ZNF730: variants seen among roughly 807,000 people sequenced by gnomAD.
ZNF730 encodes the protein putative zinc finger protein 730.
In ZNF730, 12 loss-of-function variants were observed where a neutral mutation model predicts 12.6. That is an observed-to-expected ratio of 0.95 (90% CI 0.61 to 1.54). The LOEUF is 1.54. Among genes scored for constraint, ZNF730 ranks in the 40% most tolerant of loss-of-function variants. ZNF730 has a pLI of 0.00. For missense variants in ZNF730, 643 were observed against 583.5 expected, an observed-to-expected ratio of 1.10 and a Z score of -1.05; for synonymous variants, 194 against 195.8, an observed-to-expected ratio of 0.99 and a Z score of 0.08.
At chr19:23,124,388 A>G (rs767362244) in intron 1 of ZNF730, among the ~76,000 whole-genome samples, 20 of 152,202 alleles carry the variant, frequency 1.3e-4, no homozygotes, top group Non-Finnish European at 2.8e-4. Flanking sequence ...AAAATGCAAG[A>G]CTGGAATACA....
intron 1 of ZNF730, among the ~76,000 whole-genome samples, chr19:23,110,009 C>T (rs944642111): frequency 1.3e-5 from 2 of 151,214 alleles, no homozygotes; most frequent in Non-Finnish European, 2.9e-5. Context: ...TTTTGTTGCC[C>T]AGGCTAGGGT....
chr19:23,139,373 T>C (rs1272011488), intron 3 of ZNF730, among the ~76,000 whole-genome samples: 1 of 152,164 alleles, frequency 6.6e-6, no homozygotes, highest in Non-Finnish European at 1.5e-5. Flanking sequence ...TTATCAAAAG[T>C]TTTTCATAGA....
At chr19:23,075,576 C>T (rs1234772264) in intron 1 of ZNF730, among the ~76,000 whole-genome samples, 1 of 152,130 alleles carries the variant, frequency 6.6e-6, no homozygotes, top group Non-Finnish European at 1.5e-5. Flanking sequence ...TCGCCGCGTC[C>T]CTGCTGGGCG....
At chr19:23,118,563 GTC>G (rs933052350) in intron 1 of ZNF730, among the ~76,000 whole-genome samples, 25 of 152,234 alleles carry the variant, frequency 1.6e-4, no homozygotes, top group African/African-American at 5.5e-4. Flanking sequence ...ATGAAGTGTA[GTC>G]TCTCAAGAGA....
chr19:23,141,802 A>G (rs917396477), intron 3 of ZNF730, among the ~76,000 whole-genome samples: 14 of 152,150 alleles, frequency 9.2e-5, no homozygotes, highest in African/African-American at 2.9e-4. Context: ...AGCTATTGAT[A>G]AAAGTGTGTA....
Position 23,117,122 on chromosome 19 carries a change from G to A in ZNF730, c.-52G>A, listed in dbSNP as rs370311172. On this transcript the variant is annotated 5_prime_UTR_variant, in exon 1 of 4. Coordinates refer to ENST00000597761, the MANE Select transcript of ZNF730 (RefSeq NM_001277403.2). ...CAGCCTGTGTGGCCCTGCGACCTGCGGGTATTGGGAGATCCACAGCTAAGA... is the reference window on the plus strand; with the variant it reads ...CAGCCTGTGTGGCCCTGCGACCTGCAGGTATTGGGAGATCCACAGCTAAGA... 5 of 1,613,344 alleles carry A rather than the reference G, an allele frequency of 3.1e-6. No individual in the cohort carries two copies. Among genetic ancestry groups the A allele is most frequent in the Middle Eastern group, 1.7e-4 (1 of 6,052 alleles).
chr19:23,100,660 T>C (rs1970326059), intron 1 of ZNF730, among the ~76,000 whole-genome samples: 1 of 16,348 alleles, frequency 6.1e-5, no homozygotes, highest in African/African-American at 1.5e-4. Flanking sequence ...TTTTTTTTTT[T>C]TTTTTTTTTT....
intron 1 of ZNF730, among the ~76,000 whole-genome samples, chr19:23,104,043 G>A (rs1192927404): frequency 1.3e-5 from 2 of 152,166 alleles, no homozygotes; most frequent in African/African-American, 4.8e-5. Flanking sequence ...GGGTGTGGTG[G>A]CTTACACCTG....
chr19:23,102,409 T>C lies in ZNF730; in HGVS notation c.-94+27022T>C, dbSNP rs943133339. Among the ~76,000 whole-genome samples, 9 of 152,150 alleles carry C rather than the reference T, an allele frequency of 5.9e-5. No individual in the cohort carries two copies. The South Asian group carries it at 1.5e-3, about 25-fold the overall frequency. On this transcript the variant is annotated intron_variant, in intron 1 of 2. Coordinates refer to the ZNF730 transcript ENST00000593635. ...AAAAACCCAGGTGATGTGACTCTTA[T>C]CTCTCCCTATTCACAGGTAAGATTG...
chr19:23,082,246 G>T (rs891013141), intron 1 of ZNF730, among the ~76,000 whole-genome samples: 1 of 151,708 alleles, frequency 6.6e-6, no homozygotes, highest in South Asian at 2.1e-4. Flanking sequence ...CAGAGTCCTC[G>T]TATGAGTAAA....
intron 1 of ZNF730, among the ~76,000 whole-genome samples, chr19:23,088,459 GTTTGTTT>G (rs946420885): frequency 6.6e-6 from 1 of 151,898 alleles, no homozygotes; most frequent in Non-Finnish European, 1.5e-5. Flanking sequence ...TTTTTTGTTT[GTTTGTTT>G]TTTGTTTTTC....
chr19:23,138,854 T>C (rs912862399), intron 3 of ZNF730, among the ~76,000 whole-genome samples: 2 of 152,200 alleles, frequency 1.3e-5, no homozygotes, highest in African/African-American at 4.8e-5. Context: ...GTTTGAGCCA[T>C]GATGCCTGTT....
At chr19:23,092,001 C>A (rs1970167656) in intron 1 of ZNF730, among the ~76,000 whole-genome samples, 2 of 152,110 alleles carry the variant, frequency 1.3e-5, no homozygotes, top group Admixed American at 1.3e-4. Flanking sequence ...TTGTGTATCC[C>A]AGAAGTCCCG....
intron 1 of ZNF730, among the ~76,000 whole-genome samples, chr19:23,083,836 G>C (rs1970011104): frequency 6.6e-6 from 1 of 151,898 alleles, no homozygotes; most frequent in Non-Finnish European, 1.5e-5. Context: ...CATATGTATA[G>C]TTTGTACATT....
Position 23,146,711 on chromosome 19 carries a change from G to A in ZNF730, c.*155G>A. On this transcript the variant is annotated 3_prime_UTR_variant, in exon 4 of 4. Coordinates refer to ENST00000597761, the MANE Select transcript of ZNF730 (RefSeq NM_001277403.2). ...ACTAAACATAAGGTAATTCATACTG[G>A]AGAAAAACCTACAAATGTGAAGAAT... The A allele has an allele frequency of 6.6e-6, 9 of 1,366,808 alleles. No individual in the cohort carries two copies. In the South Asian group the frequency reaches 1.1e-4, roughly 16 times the overall value. 84.7% of individuals were successfully genotyped at this position (1,366,808 alleles called of 1,614,324 possible).
intron 1 of ZNF730, among the ~76,000 whole-genome samples, chr19:23,082,282 T>A (rs1200614093): frequency 1.3e-5 from 2 of 152,192 alleles, no homozygotes; most frequent in Non-Finnish European, 2.9e-5. Flanking sequence ...AGTATTTGTC[T>A]TTCTGTGTAT....
intron 3 of ZNF730, among the ~76,000 whole-genome samples, chr19:23,136,383 C>T (rs1163058790): frequency 6.6e-6 from 1 of 152,008 alleles, no homozygotes; most frequent in Non-Finnish European, 1.5e-5. Flanking sequence ...TTGAGAAACT[C>T]TATGTTGAAC....
At chr19:23,120,462 G>A (rs937706161) in intron 1 of ZNF730, among the ~76,000 whole-genome samples, 2 of 151,764 alleles carry the variant, frequency 1.3e-5, no homozygotes, top group Non-Finnish European at 2.9e-5. Flanking sequence ...AGTTTTCACA[G>A]AGAAGTTTGT....
At chr19:23,137,895 T>C (rs976865324) in intron 3 of ZNF730, among the ~76,000 whole-genome samples, 1 of 152,226 alleles carries the variant, frequency 6.6e-6, no homozygotes. Flanking sequence ...AGAGTGAATA[T>C]CCTTTAGGAC....
Sources: gnomAD v4.1 joint callset for allele counts (sites outside exome capture counted in the v4.1 genomes callset) on GRCh38, gnomAD v4.1.1 for gene constraint, MANE v1.5 for transcripts, NCBI Gene and HGNC (gene_info 2026-07-23, HGNC 2026-07-21) for gene names.